STXBP5L: variants seen among roughly 807,000 people sequenced by gnomAD.
STXBP5L encodes syntaxin-binding protein 5-like.
Under a neutral mutation model 144.5 loss-of-function variants are expected in STXBP5L, and 65 were observed. That is an observed-to-expected ratio of 0.45 (90% confidence interval 0.37 to 0.55). The LOEUF is 0.55. Ranked by LOEUF, STXBP5L falls within the 20% of genes least tolerant of loss-of-function variation. STXBP5L has a pLI of 0.00. For synonymous variants in STXBP5L, 505 were observed against 469.6 expected (o/e 1.08, Z -0.97); for missense variants, 1,298 against 1,405.5 (o/e 0.92, Z 1.22).
chr3:121,420,049 T>C lies in STXBP5L; in HGVS notation c.*952T>C, dbSNP rs1384126014. On this transcript the variant is annotated 3_prime_UTR_variant, in exon 27 of 27. Transcript: ENST00000471454. ...TTTAAAAGCTTCATTTGTATCCTTG[T>C]CTGCCAGTTACACAGTATATTACTG... 1 of 152,232 alleles carries C rather than the reference T, an allele frequency of 6.6e-6. No individual in the cohort carries two copies. Among genetic ancestry groups the C allele is most frequent in the Non-Finnish European group, 1.5e-5 (1 of 68,028 alleles). 9.4% of individuals were successfully genotyped at this position (152,232 alleles called of 1,614,324 possible). A position where few individuals can be genotyped will look rare whatever the true frequency, so the allele number is the denominator to read the frequency against.
At chr3:121,071,181 A>G (rs986055642) in intron 5 of STXBP5L, among the ~76,000 whole-genome samples, 5 of 152,230 alleles carry the variant, frequency 3.3e-5, no homozygotes, top group African/African-American at 1.2e-4. Flanking sequence ...TTAAGCTTAT[A>G]CTATGCACAG....
intron 2 of STXBP5L, among the ~76,000 whole-genome samples, chr3:120,931,718 C>T (rs1709949271): frequency 6.6e-6 from 1 of 152,112 alleles, no homozygotes; most frequent in Non-Finnish European, 1.5e-5. Context: ...TTTGCAGCAA[C>T]CAGAGAAGGA....
At chr3:121,327,337 G>T (rs2108549974) in intron 20 of STXBP5L, among the ~76,000 whole-genome samples, 1 of 152,264 alleles carries the variant, frequency 6.6e-6, no homozygotes, top group East Asian at 1.9e-4. Flanking sequence ...TGATTACTCT[G>T]CTGCAATGCT....
rs547989275 is a variant in STXBP5L, at chr3:121,092,643, G to A, written c.471-22282G>A. Among the ~76,000 whole-genome samples the A allele has an allele frequency of 7.2e-5, 11 of 152,332 alleles. No individual in the cohort carries two copies. In the South Asian group the frequency reaches 2.1e-3, roughly 29 times the overall value. On this transcript the variant is annotated intron_variant, in intron 5 of 26. Coordinates refer to ENST00000471454, the MANE Select transcript of STXBP5L (RefSeq NM_001308330.2). ...TTTTGCATCCTGAGACTTTGCTGAAGTTGCTTATCAGCTTAAGGAGATTTT... is the reference window on the plus strand; with the variant it reads ...TTTTGCATCCTGAGACTTTGCTGAAATTGCTTATCAGCTTAAGGAGATTTT...
chr3:120,984,132 T>C (rs922274528), intron 3 of STXBP5L, among the ~76,000 whole-genome samples: 1 of 152,184 alleles, frequency 6.6e-6, no homozygotes, highest in Non-Finnish European at 1.5e-5. Flanking sequence ...TTAAGACTCT[T>C]CTCTTAGACT....
intron 3 of STXBP5L, among the ~76,000 whole-genome samples, chr3:120,994,322 A>G (rs755147602): frequency 6.6e-6 from 1 of 151,820 alleles, no homozygotes; most frequent in Non-Finnish European, 1.5e-5. Context: ...TTTCAGTACT[A>G]TGTTTTATGG....
At chr3:121,150,798 G>C (rs1232729886) in intron 7 of STXBP5L, among the ~76,000 whole-genome samples, 1 of 151,926 alleles carries the variant, frequency 6.6e-6, no homozygotes, top group African/African-American at 2.4e-5. Flanking sequence ...AATAAAGTTG[G>C]TTTTATTGGC....
At chr3:121,374,941 T>C (rs112419478) in intron 20 of STXBP5L, among the ~76,000 whole-genome samples, 1 of 145,150 alleles carries the variant, frequency 6.9e-6, no homozygotes, top group East Asian at 2.0e-4. Context: ...TATTCTAACT[T>C]ATAAGTGGGA....
intron 20 of STXBP5L, among the ~76,000 whole-genome samples, chr3:121,360,114 A>G (rs1285027765): frequency 6.8e-6 from 1 of 147,256 alleles, no homozygotes; most frequent in Non-Finnish European, 1.5e-5. Context: ...TAAAATTGTT[A>G]TATCCTCTTG....
chr3:121,294,545 GT>G (rs1473037345), intron 19 of STXBP5L, among the ~76,000 whole-genome samples: 1 of 152,044 alleles, frequency 6.6e-6, no homozygotes, highest in African/African-American at 2.4e-5. Context: ...TAGCATATAG[GT>G]GGTATATAAT....
At chr3:121,131,766 A>G (rs903709582) in intron 7 of STXBP5L, among the ~76,000 whole-genome samples, 3 of 152,250 alleles carry the variant, frequency 2.0e-5, no homozygotes, top group Non-Finnish European at 4.4e-5. Flanking sequence ...GAGTGATATC[A>G]GCAAAGTGGC....
intron 3 of STXBP5L, among the ~76,000 whole-genome samples, chr3:121,001,830 T>G (rs2108046371): frequency 6.6e-6 from 1 of 152,314 alleles, no homozygotes; most frequent in Non-Finnish European, 1.5e-5. Context: ...ATCTTCATGG[T>G]CTGGCCACTC....
intron 5 of STXBP5L, among the ~76,000 whole-genome samples, chr3:121,106,238 A>T (rs2043698779): frequency 6.6e-6 from 1 of 152,180 alleles, no homozygotes; most frequent in African/African-American, 2.4e-5. Context: ...ATCTGGGACA[A>T]TACATTTTTA....
At chr3:121,358,389 G>A (rs1473634947) in intron 20 of STXBP5L, among the ~76,000 whole-genome samples, 2 of 152,218 alleles carry the variant, frequency 1.3e-5, no homozygotes, top group African/African-American at 4.8e-5. Flanking sequence ...CACATGGCTG[G>A]GGAGGCCTCA....
At chr3:121,336,553 G>T (rs1015219429) in intron 20 of STXBP5L, among the ~76,000 whole-genome samples, 2 of 151,742 alleles carry the variant, frequency 1.3e-5, no homozygotes, top group South Asian at 2.1e-4. Context: ...TCCACAAGGA[G>T]ATATTATCTC....
At chr3:121,282,182 A>G (rs1431640575) in intron 19 of STXBP5L, 1 of 1,092,506 alleles carries the variant, frequency 9.2e-7, no homozygotes, top group East Asian at 2.4e-5. Context: ...AGATTCTGGT[A>G]TGATATCACT....
chr3:121,217,099 G>A (rs932328605), intron 10 of STXBP5L, among the ~76,000 whole-genome samples: 1 of 152,156 alleles, frequency 6.6e-6, no homozygotes, highest in African/African-American at 2.4e-5. Context: ...TCAAACCAGT[G>A]GATCTTAGCT....
chr3:121,064,373 G>C (rs553926082), intron 5 of STXBP5L, among the ~76,000 whole-genome samples: 1 of 152,348 alleles, frequency 6.6e-6, no homozygotes, highest in Non-Finnish European at 1.5e-5. Flanking sequence ...CTCACCTTCT[G>C]TGTTGATCTT....
At chr3:121,228,471 T>A (rs2049192523) in intron 11 of STXBP5L, among the ~76,000 whole-genome samples, 4 of 152,222 alleles carry the variant, frequency 2.6e-5, no homozygotes, top group Non-Finnish European at 4.4e-5. Context: ...ACTAGGTAGT[T>A]CTCAGGAAGA....
Sources: allele counts gnomAD v4.1 joint callset (sites outside exome capture counted in the v4.1 genomes callset), GRCh38; gene constraint gnomAD v4.1.1; transcripts MANE v1.5; gene names NCBI Gene and HGNC (gene_info 2026-07-23, HGNC 2026-07-21).